Variants in FBXL13 observed in about 807,000 individuals in gnomAD.
FBXL13 encodes F-box and leucine rich repeat protein 13.
FBXL13 carries 67 observed loss-of-function variants against 83.6 expected under a neutral mutation model. That is an observed-to-expected ratio of 0.80 (90% CI 0.66 to 0.98). The LOEUF is 0.98. Among genes scored for constraint, FBXL13 ranks in the 50% least tolerant of loss-of-function variants. The pLI, the probability that FBXL13 is intolerant of heterozygous loss-of-function variation, is 0.00. For synonymous variants in FBXL13, 272 were observed against 299.5 expected (o/e 0.91, Z 0.95); for missense variants, 822 against 866.5 (o/e 0.95, Z 0.64).
chr7:103,049,845 G>A (rs1796628795), intron 2 of FBXL13, among the ~76,000 whole-genome samples: 2 of 152,122 alleles, frequency 1.3e-5, no homozygotes, highest in South Asian at 4.2e-4. Context: ...TCTGAGAAAG[G>A]AAAATTCAAG....
chr7:102,989,147 G>C (rs903784186), intron 6 of FBXL13, among the ~76,000 whole-genome samples: 8 of 152,176 alleles, frequency 5.3e-5, no homozygotes, highest in African/African-American at 1.9e-4. Context: ...GAGTAAACTG[G>C]AAACAAGTAA....
intron 5 of FBXL13, among the ~76,000 whole-genome samples, chr7:103,026,360 T>C (rs374701090): frequency 6.6e-6 from 1 of 152,038 alleles, no homozygotes. Context: ...GGACTGGTCA[T>C]GTACAGTTAC....
chr7:103,050,816 T>A (rs1176981883), intron 2 of FBXL13, among the ~76,000 whole-genome samples: 2 of 152,198 alleles, frequency 1.3e-5, no homozygotes, highest in African/African-American at 4.8e-5. Context: ...TGTCCCATGG[T>A]CCTGTACATG....
At chr7:102,937,197 T>C (rs1276842542) in intron 8 of FBXL13, among the ~76,000 whole-genome samples, 7 of 152,120 alleles carry the variant, frequency 4.6e-5, no homozygotes, top group Non-Finnish European at 8.8e-5. Flanking sequence ...CCTATTATTT[T>C]AGATTATAAG....
At chr7:102,906,174 A>T (rs543795627) in intron 11 of FBXL13, among the ~76,000 whole-genome samples, 2 of 152,176 alleles carry the variant, frequency 1.3e-5, no homozygotes, top group African/African-American at 4.8e-5. Context: ...CCCATGATTC[A>T]ATTACCTCCC....
At chr7:102,812,165 C>T (rs1382591674), downstream of FBXL13, among the ~76,000 whole-genome samples, 1 of 152,142 alleles carries the variant, frequency 6.6e-6, no homozygotes, top group Non-Finnish European at 1.5e-5. Flanking sequence ...GTTGTGTTTT[C>T]TCTTGGACTG....
chr7:102,870,537 A>G (rs2129456298), intron 16 of FBXL13, among the ~76,000 whole-genome samples: 1 of 152,300 alleles, frequency 6.6e-6, no homozygotes, highest in South Asian at 2.1e-4. Flanking sequence ...CTTGCTCAGC[A>G]TCTGCCCCTA....
At chr7:103,033,207 AAAG>A (rs1794698356) in intron 2 of FBXL13, among the ~76,000 whole-genome samples, 1 of 151,914 alleles carries the variant, frequency 6.6e-6, no homozygotes, top group Non-Finnish European at 1.5e-5. Context: ...CTATGCTCTG[AAAG>A]AAAGACAAGA....
At chr7:103,004,951 C>T (rs1790823551) in intron 6 of FBXL13, among the ~76,000 whole-genome samples, 1 of 152,178 alleles carries the variant, frequency 6.6e-6, no homozygotes, top group African/African-American at 2.4e-5. Context: ...TATTCACTTA[C>T]TTGATAAATA....
At chr7:103,041,351 G>T (rs1185093387) in intron 2 of FBXL13, among the ~76,000 whole-genome samples, 2 of 152,108 alleles carry the variant, frequency 1.3e-5, no homozygotes, top group Non-Finnish European at 2.9e-5. Flanking sequence ...ACCAAAAAAA[G>T]ACCAGGACCA....
intron 11 of FBXL13, 82 bp downstream of exon 12, chr7:102,913,004 G>GTATA: frequency 6.3e-7 from 1 of 1,583,708 alleles, no homozygotes. Context: ...CACAGCATTA[G>GTATA]TATAACGTGA....
At chr7:102,897,637 A>G (rs1355437503) in intron 11 of FBXL13, among the ~76,000 whole-genome samples, 3 of 152,196 alleles carry the variant, frequency 2.0e-5, no homozygotes, top group South Asian at 4.1e-4. Context: ...CCAATGTGAA[A>G]TAAAATAGAA....
At position 102,949,790 on chromosome 7, in the gene FBXL13, A is replaced by T. The variant is rs528307168; in HGVS notation, c.724+13743T>A. The stretch of plus-strand genomic sequence containing the variant: ...CTCAGATACATATACAAACATATAC[A>T]TCCTATGTATAGTGGTTAAAACCTC... On this transcript the variant is annotated intron_variant, in intron 8 of 19. Coordinates refer to ENST00000313221, the Ensembl canonical transcript of FBXL13. 3.3e-5 allele frequency among the ~76,000 whole-genome samples: 5 copies of T among 152,324 alleles called. 1 individual carries two copies. The highest frequency in any genetic ancestry group is 1.2e-4 in the African/African-American group (5 of 41,574).
At chr7:102,865,642 A>C (rs1807526269) in intron 16 of FBXL13, among the ~76,000 whole-genome samples, 1 of 152,010 alleles carries the variant, frequency 6.6e-6, no homozygotes, top group East Asian at 1.9e-4. Flanking sequence ...CCCAGATTCA[A>C]GCAATCCTCC....
At chr7:102,934,262 A>C in intron 8 of FBXL13, 1 of 1,614,194 alleles carries the variant, frequency 6.2e-7, no homozygotes, top group South Asian at 1.1e-5. Context: ...GCAGAATGAG[A>C]TCTCTAAAAT....
At chr7:102,925,269 C>T (rs1337662387) in intron 10 of FBXL13, among the ~76,000 whole-genome samples, 6 of 152,002 alleles carry the variant, frequency 3.9e-5, no homozygotes, top group African/African-American at 1.5e-4. Context: ...GTGGCATGCT[C>T]CTGTAGTCCC....
At chr7:102,939,216 A>G (rs2129474975) in intron 8 of FBXL13, among the ~76,000 whole-genome samples, 1 of 152,318 alleles carries the variant, frequency 6.6e-6, no homozygotes, top group South Asian at 2.1e-4. Flanking sequence ...TCTGGCTTTC[A>G]TCACAATTAG....
At chr7:102,947,339 C>A (rs1019601789) in intron 8 of FBXL13, among the ~76,000 whole-genome samples, 1 of 152,108 alleles carries the variant, frequency 6.6e-6, no homozygotes, top group African/African-American at 2.4e-5. Flanking sequence ...TTTTTAGAGG[C>A]TAGTTAGGGA....
chr7:102,882,106 A>T (rs978160371), intron 14 of FBXL13, among the ~76,000 whole-genome samples: 16 of 152,248 alleles, frequency 1.1e-4, no homozygotes, highest in Non-Finnish European at 1.9e-4. Context: ...AGAAAAATTT[A>T]AAAACTAGCT....
Sources: gnomAD v4.1 joint callset for allele counts (sites outside exome capture counted in the v4.1 genomes callset) on GRCh38, gnomAD v4.1.1 for gene constraint, MANE v1.5 for transcripts, NCBI Gene and HGNC (gene_info 2026-07-23, HGNC 2026-07-21) for gene names.